The following OCLN variants were observed in gnomAD, a reference collection of about 807,000 sequenced individuals.
OCLN encodes occludin, also known as phosphatase 1, regulatory subunit 115.
A neutral mutation model predicts 47.9 loss-of-function variants in OCLN; 21 were observed. The ratio of observed to expected loss-of-function variants is 0.44; its 90% CI spans 0.31 to 0.63. The LOEUF (loss-of-function observed/expected upper bound fraction) is 0.63, where lower values mean the gene tolerates loss of function less well. OCLN is among the 30% of genes least tolerant of loss of function. OCLN has a pLI of 0.08. For missense variants in OCLN, 360 were observed against 571.0 expected, an observed-to-expected ratio of 0.63 and a Z score of 3.77; for synonymous variants, 117 against 198.4, an observed-to-expected ratio of 0.59 and a Z score of 3.45.
At chr5:69,529,794 G>A (rs1053577103) in intron 4 of OCLN, among the ~76,000 whole-genome samples, 1 of 151,952 alleles carries the variant, frequency 6.6e-6, no homozygotes, top group South Asian at 2.1e-4. Flanking sequence ...GTAGAGATGG[G>A]GTTTCACCTT....
At chr5:69,509,082 G>T in intron 2 of OCLN, 59 bp from the exon 3 acceptor site, 1 of 1,389,762 alleles carries the variant, frequency 7.2e-7, no homozygotes, top group Admixed American at 1.7e-5. Context: ...AATAAGTTGT[G>T]TTCTTTCTGC....
At chr5:69,522,910 G>A (rs1362856964) in intron 4 of OCLN, among the ~76,000 whole-genome samples, 2 of 9,232 alleles carry the variant, frequency 2.2e-4, no homozygotes, top group Admixed American at 1.1e-3. Flanking sequence ...TTTTTTTAAA[G>A]TAGAGACAGA....
At position 69,553,646 on chromosome 5, in the gene OCLN, G is replaced by C; in HGVS notation, c.1544G>C (p.Gly515Ala). 1 of 1,613,882 alleles carries C rather than the reference G, an allele frequency of 6.2e-7. No homozygotes were observed. Among genetic ancestry groups the C allele is most frequent in the Non-Finnish European group, 8.5e-7 (1 of 1,179,960 alleles). Residue 515 changes from glycine to alanine, a missense_variant, in exon 9 of 9, where the codon GGA becomes GCA. Physicochemically the swap from Gly to Ala is moderately conservative, Grantham distance 60. This residue lies in a region of OCLN where 25 missense variants were observed against 43.9 expected (regional missense o/e 0.57). Coordinates refer to ENST00000396442, the MANE Select transcript of OCLN (RefSeq NM_001205254.2). The stretch of plus-strand genomic sequence containing the variant: ...TTGTCACACATCAAGAAGATGGTTG[G>C]AGACTATGATAGACAGAAAACATAG... ...SKLSHIKKMV[G>A]DYDRQKT
At chr5:69,512,839 T>A (rs1212139579) in intron 3 of OCLN, among the ~76,000 whole-genome samples, 1 of 152,212 alleles carries the variant, frequency 6.6e-6, no homozygotes, top group Non-Finnish European at 1.5e-5. Flanking sequence ...TCATACTGAT[T>A]ATATTAATAT....
chr5:69,531,334 G>A (rs1769427479), intron 4 of OCLN, among the ~76,000 whole-genome samples: 1 of 152,174 alleles, frequency 6.6e-6, no homozygotes, highest in African/African-American at 2.4e-5. Flanking sequence ...GCCAAGAATT[G>A]AAACCCAATT....
chr5:69,527,003 C>T (rs373744018), intron 4 of OCLN, among the ~76,000 whole-genome samples: 5 of 152,120 alleles, frequency 3.3e-5, no homozygotes, highest in Admixed American at 2.0e-4. Flanking sequence ...AGGGGCCAGG[C>T]GCGGTGGCTC....
intron 3 of OCLN, among the ~76,000 whole-genome samples, chr5:69,510,798 G>T (rs1456320237): frequency 1.3e-5 from 2 of 152,196 alleles, no homozygotes; most frequent in Non-Finnish European, 2.9e-5. Flanking sequence ...GTCATATGGT[G>T]ACTCTTTAAT....
At chr5:69,516,173 C>T (rs1442135484) in intron 4 of OCLN, among the ~76,000 whole-genome samples, 5 of 151,934 alleles carry the variant, frequency 3.3e-5, no homozygotes, top group Admixed American at 6.5e-5. Flanking sequence ...TGTAGCGAGC[C>T]GAGATCACGC....
chr5:69,504,641 A>T (rs1250578696), intron 2 of OCLN, among the ~76,000 whole-genome samples: 1 of 152,242 alleles, frequency 6.6e-6, no homozygotes, highest in Non-Finnish European at 1.5e-5. Flanking sequence ...CAGTTTTTAA[A>T]AATAACAGCT....
intron 2 of OCLN, among the ~76,000 whole-genome samples, chr5:69,507,241 TCTC>T (rs1768632712): frequency 6.6e-6 from 1 of 152,206 alleles, no homozygotes; most frequent in African/African-American, 2.4e-5. Context: ...TTCAAGCAAT[TCTC>T]CTGCCTCAGC....
chr5:69,493,440 TC>T lies in OCLN; in HGVS notation c.-69+541del, dbSNP rs1240883201. Reference sequence around the variant, plus strand: ...TATCCCGGGGAGACGGGGGCTGGATTCAATCTGTGAAATATTCCAGGAGTCA... The same window carrying T: ...TATCCCGGGGAGACGGGGGCTGGATTAATCTGTGAAATATTCCAGGAGTCA... On this transcript the variant is annotated intron_variant, in intron 1 of 8. Coordinates refer to ENST00000396442, the MANE Select transcript of OCLN (RefSeq NM_001205254.2). This position sits in a 1 kb window ranked among gnomAD's most constrained non-coding sequence, Gnocchi z 5.3. 1.3e-5 allele frequency among the ~76,000 whole-genome samples: 2 copies of T among 152,066 alleles called. No individual in the cohort carries two copies. The highest frequency in any genetic ancestry group is 2.9e-5 in the Non-Finnish European group (2 of 68,008).
chr5:69,514,981 C>G (rs542232323), intron 4 of OCLN, among the ~76,000 whole-genome samples: 2 of 152,248 alleles, frequency 1.3e-5, no homozygotes, highest in African/African-American at 4.8e-5. Context: ...GCCTTTCCCC[C>G]CTTTCTATTC....
intron 3 of OCLN, among the ~76,000 whole-genome samples, chr5:69,512,878 T>C (rs1768824768): frequency 6.6e-6 from 1 of 152,218 alleles, no homozygotes; most frequent in Admixed American, 6.5e-5. Context: ...ACTGATCTTT[T>C]TTCCCTTGTT....
chr5:69,500,147 T>C (rs1456724857), intron 1 of OCLN, among the ~76,000 whole-genome samples: 1 of 152,220 alleles, frequency 6.6e-6, no homozygotes, highest in Non-Finnish European at 1.5e-5. Flanking sequence ...ACTTTGTCTG[T>C]GTTTACCAGT....
chr5:69,495,770 C>A (rs1768270668), intron 1 of OCLN, among the ~76,000 whole-genome samples: 2 of 151,172 alleles, frequency 1.3e-5, no homozygotes, highest in South Asian at 2.1e-4. Context: ...AAAAAAAAAA[C>A]AAGTTTTGTG....
intron 4 of OCLN, among the ~76,000 whole-genome samples, chr5:69,515,452 G>T (rs1270465942): frequency 7.3e-6 from 1 of 136,284 alleles, no homozygotes; most frequent in Non-Finnish European, 1.6e-5. Flanking sequence ...TGGCCGGGCA[G>T]AGGGGCTCCT....
intron 2 of OCLN, among the ~76,000 whole-genome samples, chr5:69,508,497 C>T (rs771195814): frequency 3.9e-5 from 6 of 151,992 alleles, no homozygotes; most frequent in Non-Finnish European, 8.8e-5. Context: ...CATGCCACCA[C>T]GTCTGGCTAA....
intron 4 of OCLN, among the ~76,000 whole-genome samples, chr5:69,518,289 C>T (rs930239593): frequency 7.9e-5 from 12 of 152,136 alleles, no homozygotes; most frequent in Non-Finnish European, 1.5e-5. Flanking sequence ...CAAGTATTTT[C>T]ATTGTATGTA....
intron 1 of OCLN, among the ~76,000 whole-genome samples, chr5:69,499,371 G>A (rs1384248586): frequency 6.6e-6 from 1 of 152,092 alleles, no homozygotes; most frequent in Non-Finnish European, 1.5e-5. Flanking sequence ...CACTGTACCT[G>A]CCCTGTAATT....
Sources: gnomAD v4.1 joint callset for allele counts (sites outside exome capture counted in the v4.1 genomes callset) on GRCh38, gnomAD v4.1.1 for gene constraint, gnomAD v4.1.1 regional missense constraint, Gnocchi (gnomAD v3.1) non-coding constraint, MANE v1.5 for transcripts, NCBI Gene and HGNC (gene_info 2026-07-23, HGNC 2026-07-21) for gene names.